Variants in TACC2 observed in about 807,000 individuals in gnomAD.
TACC2 encodes transforming acidic coiled-coil-containing protein 2.
In TACC2, 137 loss-of-function variants were observed where a neutral mutation model predicts 227.3. The ratio of observed to expected loss-of-function variants is 0.60; its 90% CI spans 0.52 to 0.69. TACC2 has a LOEUF of 0.69. Ranked by LOEUF, TACC2 falls within the 30% of genes least tolerant of loss-of-function variation. TACC2 has a pLI of 0.00. For synonymous variants in TACC2, 1,523 were observed against 1,487.5 expected, an observed-to-expected ratio of 1.02 and a Z score of -0.55; for missense variants, 3,470 against 3,694.4, an observed-to-expected ratio of 0.94 and a Z score of 1.57.
In TACC2 at chr10:122,249,039, T is replaced by C; in HGVS notation, c.8554-11T>C. On this transcript the variant is annotated splice_polypyrimidine_tract_variant and intron_variant, in intron 20 of 22. Coordinates refer to ENST00000369005, the MANE Select transcript of TACC2 (RefSeq NM_206862.4). ...TGGGCTTGACGCCTGTCCTCTGCCC[T>C]GCTGTGTCAGAATGAAGAGGTGTTG... The C allele has an allele frequency of 6.2e-7, 1 of 1,609,766 alleles. No individual in the cohort carries two copies.
intron 2 of TACC2, among the ~76,000 whole-genome samples, chr10:122,049,729 GTT>G (rs77231517): frequency 1.4e-5 from 2 of 143,468 alleles, no homozygotes; most frequent in Non-Finnish European, 3.1e-5. Context: ...ATGAGGTTCT[GTT>G]TTTTTTTTTT....
At chr10:122,249,505 C>T in intron 21 of TACC2, 39 bp from the exon 22 acceptor site, 2 of 1,603,586 alleles carry the variant, frequency 1.2e-6, no homozygotes, top group Non-Finnish European at 8.5e-7. Flanking sequence ...TCTAGTGATC[C>T]ACAAAAGAGT....
chr10:122,235,860 T>C lies in TACC2; in HGVS notation c.8128-1535T>C, dbSNP rs542816439. Among the ~76,000 whole-genome samples the C allele has an allele frequency of 6.0e-4, 91 of 152,274 alleles. 1 individual carries two copies. Among genetic ancestry groups the C allele is most frequent in the African/African-American group, 2.2e-3 (91 of 41,564 alleles). On this transcript the variant is annotated intron_variant, in intron 16 of 22. Transcript: ENST00000369005. ...CTCACATGAGCGAGTCTCTGGGGTC[T>C]GCTTGAAGGGGACTGTGTACTTCCA...
chr10:122,188,739 G>C (rs1020980643), intron 7 of TACC2, among the ~76,000 whole-genome samples: 1 of 152,220 alleles, frequency 6.6e-6, no homozygotes, highest in Non-Finnish European at 1.5e-5. Flanking sequence ...GGTCAGGACG[G>C]CGATGGCCAG....
intron 3 of TACC2, among the ~76,000 whole-genome samples, chr10:122,077,825 C>T (rs79412247): frequency 0.012 from 1,863 of 152,260 alleles, 45 homozygotes; most frequent in African/African-American, 0.043. Context: ...TGAACTTCTT[C>T]GGGAAAATGT....
intron 3 of TACC2, chr10:122,051,518 G>T (rs1420681265): frequency 6.6e-6 from 1 of 152,048 alleles, no homozygotes; most frequent in Non-Finnish European, 1.5e-5. Flanking sequence ...GGCCAGGCAC[G>T]CTGGGGGCAC....
At chr10:122,239,598 T>C (rs1378769974) in intron 18 of TACC2, among the ~76,000 whole-genome samples, 1 of 152,234 alleles carries the variant, frequency 6.6e-6, no homozygotes, top group African/African-American at 2.4e-5. Context: ...TTACATGCAC[T>C]GAAAATGAGG....
chr10:122,002,823 C>G (rs1221690474), intron 1 of TACC2, among the ~76,000 whole-genome samples: 2 of 152,178 alleles, frequency 1.3e-5, no homozygotes, highest in Non-Finnish European at 2.9e-5. Flanking sequence ...TTATTTCCCT[C>G]TTGTAATTTT....
At position 122,049,839 on chromosome 10, in the gene TACC2, G is replaced by C. The variant is rs531651044; in HGVS notation, c.34-599G>C. On this transcript the variant is annotated intron_variant, in intron 2 of 22. Coordinates refer to ENST00000369005, the MANE Select transcript of TACC2 (RefSeq NM_206862.4). ...AAAATCAACTAGTCTGTAGGAATAT[G>C]GTTTATAAAAACAACAACAACAAAT... is the stretch of plus-strand genomic sequence containing the variant. 1.8e-4 allele frequency among the ~76,000 whole-genome samples: 27 copies of C among 151,758 alleles called. 1 individual carries two copies. The South Asian group carries it at 5.4e-3, about 30-fold the overall frequency.
At chr10:122,192,675 G>A (rs1019540238) in intron 7 of TACC2, 19 of 456,614 alleles carry the variant, frequency 4.2e-5, no homozygotes, top group African/African-American at 2.4e-4. Context: ...GTTCTTCAGC[G>A]GAAATGGCCT....
intron 11 of TACC2, among the ~76,000 whole-genome samples, chr10:122,221,813 A>G (rs1392604885): frequency 1.3e-5 from 2 of 152,212 alleles, no homozygotes; most frequent in Admixed American, 6.5e-5. Flanking sequence ...AAGATAAGTC[A>G]ATAGGCAAGG....
At position 122,211,040 on chromosome 10, in the gene TACC2, G is replaced by A; in HGVS notation, c.6615G>A (p.Leu2205=). 1 of 1,612,684 alleles carries A rather than the reference G, an allele frequency of 6.2e-7. No individual in the cohort carries two copies. Among genetic ancestry groups the A allele is most frequent in the Non-Finnish European group, 8.5e-7 (1 of 1,179,408 alleles). ...PAVGPKAACP[L]DSESAEGVVP... is the part of the protein sequence containing the mutation. ...TGGGGCCCAAAGCTGCCTGCCCTCT[G>A]GACTCAGAGAGTGCAGAAGGGGTTG... Residue 2205 remains leucine, a synonymous_variant, in exon 9 of 23, where the codon CTG becomes CTA. Transcript: ENST00000369005.
At chr10:122,239,570 T>TGGTTTTTTTTGG in intron 18 of TACC2, among the ~76,000 whole-genome samples, 2 of 152,182 alleles carry the variant, frequency 1.3e-5, no homozygotes, top group Non-Finnish European at 2.9e-5. Flanking sequence ...TTTGGGGGTA[T>TGGTTTTTTTTGG]GGGTGGTTCT....
intron 6 of TACC2, among the ~76,000 whole-genome samples, chr10:122,140,685 C>A (rs1248769275): frequency 6.6e-6 from 1 of 152,210 alleles, no homozygotes; most frequent in African/African-American, 2.4e-5. Flanking sequence ...GGCCCGACTT[C>A]CTGAGAACAA....
chr10:122,006,308 G>A (rs1440932420), intron 1 of TACC2, among the ~76,000 whole-genome samples: 1 of 151,976 alleles, frequency 6.6e-6, no homozygotes, highest in African/African-American at 2.4e-5. Context: ...AATTGGCCAG[G>A]CATGGTGGCT....
chr10:122,248,308 C>T (rs1040712877), intron 19 of TACC2: 1 of 243,980 alleles, frequency 4.1e-6, no homozygotes, highest in Non-Finnish European at 8.1e-6. Flanking sequence ...CTTTACGGAT[C>T]TGTCTGCTTG....
intron 5 of TACC2, among the ~76,000 whole-genome samples, chr10:122,111,333 G>A (rs1364037989): frequency 2.0e-5 from 3 of 152,218 alleles, no homozygotes; most frequent in Admixed American, 2.0e-4. Context: ...CCTCTGTCTT[G>A]AAGGATGTGC....
At chr10:122,217,102 C>A (rs375598185) in intron 11 of TACC2, among the ~76,000 whole-genome samples, 1 of 152,250 alleles carries the variant, frequency 6.6e-6, no homozygotes, top group Non-Finnish European at 1.5e-5. Flanking sequence ...GGGTCCTGAG[C>A]GCCCACTCGA....
At chr10:122,071,748 G>A (rs1003471909) in intron 3 of TACC2, among the ~76,000 whole-genome samples, 6 of 148,774 alleles carry the variant, frequency 4.0e-5, no homozygotes, top group African/African-American at 7.4e-5. Flanking sequence ...TGATCTGGGC[G>A]TGGTGACGGG....
Sources: allele counts gnomAD v4.1 joint callset (sites outside exome capture counted in the v4.1 genomes callset), GRCh38; gene constraint gnomAD v4.1.1; transcripts MANE v1.5; gene names NCBI Gene and HGNC (gene_info 2026-07-23, HGNC 2026-07-21).